Variants in RET observed in about 807,000 individuals in gnomAD.
The protein encoded by RET is ret proto-oncogene, also known as proto-oncogene tyrosine-protein kinase receptor Ret.
Under a neutral mutation model 118.3 loss-of-function variants are expected in RET, and 19 were observed. That is an observed-to-expected ratio of 0.16 (90% confidence interval 0.11 to 0.24). The LOEUF is 0.24. Ranked by LOEUF, RET falls within the 10% of genes least tolerant of loss-of-function variation. The pLI is 1.00. For synonymous variants in RET, 597 were observed against 644.1 expected (o/e 0.93, Z 1.11); for missense variants, 1,219 against 1,502.1 (o/e 0.81, Z 3.12).
Position 43,100,484 on chromosome 10 carries a change from G to A in RET, c.99G>A (p.Arg33=), listed in dbSNP as rs768485233. The part of the protein sequence containing the change: ...GKVALGLYFS[R]DAYWEKLYVD... ...TGGCATTGGGCCTCTACTTCTCGAG[G>A]GATGCTTACTGGGAGAAGCTGTATG... Residue 33 remains arginine, a synonymous_variant, in exon 2 of 20, where the codon AGG becomes AGA. Coordinates refer to ENST00000355710, the MANE Select transcript of RET (RefSeq NM_020975.6). The A allele has an allele frequency of 5.6e-6, 9 of 1,613,690 alleles. No homozygotes were observed. In the South Asian group the frequency reaches 8.8e-5, roughly 16 times the overall value.
In RET at chr10:43,112,938, C is replaced by G. The variant is rs1564495318; in HGVS notation, c.1734C>G (p.Ile578Met). The change falls in exon 9 of 20, where the codon ATC (isoleucine) becomes ATG (methionine). Residue 578 changes from isoleucine to methionine, a missense_variant. Around this residue, in one of 5 missense-constraint regions of RET, gnomAD observed 850 missense variants for 969.6 expected, o/e 0.88. Coordinates refer to ENST00000355710, the MANE Select transcript of RET (RefSeq NM_020975.6). Reference sequence around the variant, plus strand: ...GCGATGTTGTGGAGACCCAAGACATCAACATTTGCCCTCAGGACTGCCTCC... The same window carrying G: ...GCGATGTTGTGGAGACCCAAGACATGAACATTTGCCCTCAGGACTGCCTCC... ...GHCDVVETQD[I>M]NICPQDCLRG... 3 of 1,614,140 alleles carry G rather than the reference C, an allele frequency of 1.9e-6. No homozygotes were observed. Among genetic ancestry groups the G allele is most frequent in the Non-Finnish European group, 2.5e-6 (3 of 1,179,986 alleles).
Position 43,104,969 on chromosome 10 carries a change from C to A in RET, c.643C>A (p.Arg215Ser), listed in dbSNP as rs1320902245. The change falls in exon 4 of 20, where the codon CGC becomes AGC. Residue 215 changes from arginine (R) to serine (S), a missense_variant. Arg to Ser is a moderately radical substitution (Grantham distance 110). Coordinates refer to ENST00000355710, the MANE Select transcript of RET (RefSeq NM_020975.6). ...RLLEGEGLPF[R>S]CAPDSLEVST... is the part of the protein sequence containing the mutation. ...GTGCGCAGGTGAGGGTCTGCCCTTC[C>A]GCTGCGCCCCGGACAGCCTGGAGGT... 1 of 1,571,046 alleles carries A rather than the reference C, an allele frequency of 6.4e-7. No individual in the cohort carries two copies. The highest frequency in any genetic ancestry group is 2.3e-5 in the East Asian group (1 of 43,368).
intron 1 of RET, among the ~76,000 whole-genome samples, chr10:43,094,292 G>A (rs1837473133): frequency 6.6e-6 from 1 of 152,114 alleles, no homozygotes; most frequent in Non-Finnish European, 1.5e-5. Context: ...CTCTTAAGGA[G>A]ATTCTGCTGG....
At chr10:43,110,933 A>G (rs2132761831) in intron 6 of RET, among the ~76,000 whole-genome samples, 1 of 152,226 alleles carries the variant, frequency 6.6e-6, no homozygotes, top group East Asian at 1.9e-4. Flanking sequence ...CACCAAACTG[A>G]ACCTCGAGGC....
Position 43,114,357 on chromosome 10 carries a change from G to T in RET, c.1880-123G>T, listed in dbSNP as rs1838013075. 8 of 1,356,962 alleles carry T rather than the reference G, an allele frequency of 5.9e-6. No homozygotes were observed. The highest frequency in any genetic ancestry group is 1.2e-5 in the South Asian group (1 of 81,122). The allele number at this position is 1,356,962 out of a possible 1,614,324, so 84.1% of individuals were successfully genotyped here. A position where few individuals can be genotyped will look rare whatever the true frequency, so the allele number is the denominator to read the frequency against. ...TTCTCAGGCCTTCCCACACCTCCAT[G>T]GCCACTTCCCAGCTGGCGCGGACAC... On this transcript the variant is annotated intron_variant, in intron 10 of 19. Transcript: ENST00000355710. The surrounding 1 kb of genome is among the most constrained non-coding windows in gnomAD (Gnocchi z 4.6).
intron 1 of RET, among the ~76,000 whole-genome samples, chr10:43,092,613 G>A (rs988122023): frequency 2.8e-4 from 43 of 152,224 alleles, no homozygotes; most frequent in African/African-American, 9.9e-4. Flanking sequence ...GGCAAAAGCA[G>A]CCTCCAGCTG....
At chr10:43,121,011 TTTGTG>T (rs1838205525) in intron 15 of RET, among the ~76,000 whole-genome samples, 1 of 152,058 alleles carries the variant, frequency 6.6e-6, no homozygotes, top group African/African-American at 2.4e-5. Context: ...GGAGAAGCCA[TTTGTG>T]TTGCCAGGGG....
chr10:43,119,699 T>C lies in RET; in HGVS notation c.2561T>C (p.Phe854Ser), dbSNP rs1838163624. The stretch of plus-strand genomic sequence containing the variant: ...CTCACCATGGGCGACCTCATCTCAT[T>C]TGCCTGGCAGATCTCACAGGGGATG... ...RALTMGDLISFAWQISQGMQY... is the reference protein window; with the variant it reads ...RALTMGDLISSAWQISQGMQY... Residue 854 changes from phenylalanine to serine, a missense_variant, in exon 14 of 20, where the codon TTT becomes TCT. Phe to Ser is a radical substitution (Grantham distance 155). This residue lies in a region of RET where 850 missense variants were observed against 969.6 expected (regional missense o/e 0.88). Coordinates refer to ENST00000355710, the MANE Select transcript of RET (RefSeq NM_020975.6). 6.2e-7 allele frequency: 1 copy of C among 1,613,536 alleles called. No individual in the cohort carries two copies. Among genetic ancestry groups the C allele is most frequent in the Middle Eastern group, 1.7e-4 (1 of 6,058 alleles).
chr10:43,106,314 G>A lies in RET; in HGVS notation c.868-62G>A, dbSNP rs1206707847. The A allele has an allele frequency of 6.5e-7, 1 of 1,528,274 alleles. No individual in the cohort carries two copies. The highest frequency in any genetic ancestry group is 1.4e-5 in the African/African-American group (1 of 73,534). The allele number at this position is 1,528,274 out of a possible 1,614,324, so 94.7% of individuals were successfully genotyped here. A position where few individuals can be genotyped will look rare whatever the true frequency, so the allele number is the denominator to read the frequency against. ...GACGTGCAGCATTCTAAGGTCTCTG[G>A]TTTTGGGGGGTCTGAGGGGCCCATC... On this transcript the variant is annotated intron_variant, in intron 4 of 19. Coordinates refer to ENST00000355710, the MANE Select transcript of RET (RefSeq NM_020975.6). The surrounding 1 kb of genome is among the most constrained non-coding windows in gnomAD (Gnocchi z 5.1).
At chr10:43,097,070 A>G (rs1156768593) in intron 1 of RET, among the ~76,000 whole-genome samples, 1 of 152,128 alleles carries the variant, frequency 6.6e-6, no homozygotes, top group Non-Finnish European at 1.5e-5. Context: ...ACCAATTGGG[A>G]TTGGGCCCCC....
At chr10:43,093,126 G>T (rs7393733) in intron 1 of RET, among the ~76,000 whole-genome samples, 4 of 152,008 alleles carry the variant, frequency 2.6e-5, no homozygotes, top group African/African-American at 7.3e-5. Context: ...GTAAGAGTGA[G>T]GAGGAAGTGA....
intron 2 of RET, 22 bp downstream of exon 2, chr10:43,100,744 C>T (rs2132666177): frequency 1.3e-6 from 2 of 1,563,444 alleles, no homozygotes; most frequent in East Asian, 4.7e-5. Context: ...GCCCCAACAC[C>T]CACCCCGTGC....
rs1060504033 is a variant in RET at position 43,119,643 on chromosome 10, C to T, written c.2505C>T (p.Ser835=). 3.1e-6 allele frequency: 5 copies of T among 1,613,144 alleles called. 1 individual carries two copies. The Admixed American group carries it at 6.7e-5, about 22-fold the overall frequency. Residue 835 remains serine (S), a synonymous_variant, in exon 14 of 20, where the codon TCC becomes TCT. Coordinates refer to ENST00000355710, the MANE Select transcript of RET (RefSeq NM_020975.6). Reference sequence around the variant, plus strand: ...TGGGCAGTGGAGGCAGCCGCAACTCCAGCTCCCTGGACCACCCGGATGAGC... The same window carrying T: ...TGGGCAGTGGAGGCAGCCGCAACTCTAGCTCCCTGGACCACCCGGATGAGC... ...GYLGSGGSRN[S]SSLDHPDERA... is the part of the protein sequence containing the mutation.
At chr10:43,110,248 G>C (rs769405473) in intron 6 of RET, among the ~76,000 whole-genome samples, 7 of 152,216 alleles carry the variant, frequency 4.6e-5, no homozygotes, top group Admixed American at 2.0e-4. Context: ...CTGAATCCCA[G>C]TCCAGCCTCA....
intron 11 of RET, among the ~76,000 whole-genome samples, chr10:43,115,183 G>A (rs1838043589): frequency 1.3e-5 from 2 of 152,210 alleles, no homozygotes; most frequent in African/African-American, 2.4e-5. Context: ...TGTCCAGGGC[G>A]CTGGAAGCCA....
chr10:43,094,553 G>A (rs970947495), intron 1 of RET, among the ~76,000 whole-genome samples: 2 of 151,994 alleles, frequency 1.3e-5, no homozygotes, highest in Admixed American at 1.3e-4. Flanking sequence ...TCTGTGGCAG[G>A]GTCACCATGC....
intron 1 of RET, among the ~76,000 whole-genome samples, chr10:43,084,454 G>C (rs916181651): frequency 6.6e-6 from 1 of 152,196 alleles, no homozygotes; most frequent in African/African-American, 2.4e-5. Flanking sequence ...GCCTTTCCCC[G>C]GTGATGGCGT....
chr10:43,081,783 C>T (rs984710097), intron 1 of RET, among the ~76,000 whole-genome samples: 1 of 152,202 alleles, frequency 6.6e-6, no homozygotes, highest in Non-Finnish European at 1.5e-5. Context: ...CTGGCTCCCC[C>T]ACTAGAACAG....
intron 6 of RET, among the ~76,000 whole-genome samples, chr10:43,110,579 T>A (rs1474046782): frequency 6.6e-6 from 1 of 152,176 alleles, no homozygotes; most frequent in Admixed American, 6.5e-5. Context: ...CCAGGGGCTC[T>A]GGTCAAAGTC....
Sources: allele counts gnomAD v4.1 joint callset (sites outside exome capture counted in the v4.1 genomes callset), GRCh38; gene constraint gnomAD v4.1.1; regional missense constraint gnomAD v4.1.1; non-coding constraint Gnocchi (gnomAD v3.1); transcripts MANE v1.5; gene names NCBI Gene and HGNC (gene_info 2026-07-23, HGNC 2026-07-21).